Variants in ANO10 observed in about 807,000 individuals in gnomAD.
ANO10 encodes anoctamin-10.
A neutral mutation model predicts 74.7 loss-of-function variants in ANO10; 77 were observed. The observed-to-expected ratio is 1.03, with a 90% confidence interval of 0.86 to 1.25. The LOEUF (loss-of-function observed/expected upper bound fraction) is 1.25, where lower values mean the gene tolerates loss of function less well. Ranked by LOEUF, ANO10 falls within the 50% of genes most tolerant of loss-of-function variation. ANO10 has a pLI of 0.00. For synonymous variants in ANO10, 279 were observed against 284.9 expected, an observed-to-expected ratio of 0.98 and a Z score of 0.21; for missense variants, 721 against 778.1, an observed-to-expected ratio of 0.93 and a Z score of 0.87.
At chr3:43,458,950 T>C (rs1183884339) in intron 11 of ANO10, among the ~76,000 whole-genome samples, 2 of 152,194 alleles carry the variant, frequency 1.3e-5, no homozygotes, top group Non-Finnish European at 2.9e-5. Flanking sequence ...AGGATGATGA[T>C]TAAACCTATT....
intron 12 of ANO10, among the ~76,000 whole-genome samples, chr3:43,387,687 CAG>C (rs1316175722): frequency 6.6e-6 from 1 of 152,186 alleles, no homozygotes; most frequent in African/African-American, 2.4e-5. Context: ...TCAGGATCAA[CAG>C]AGGTGTCAAC....
At chr3:43,667,607 C>G (rs1217229877) in intron 1 of ANO10, among the ~76,000 whole-genome samples, 2 of 152,044 alleles carry the variant, frequency 1.3e-5, no homozygotes, top group African/African-American at 4.8e-5. Flanking sequence ...TTCCCTGCAC[C>G]CTAAGTTCCC....
intron 1 of ANO10, among the ~76,000 whole-genome samples, chr3:43,681,181 C>T (rs1220523640): frequency 1.3e-5 from 2 of 151,896 alleles, no homozygotes; most frequent in Non-Finnish European, 2.9e-5. Flanking sequence ...ATTCGGGAAA[C>T]CCATCTCACA....
At chr3:43,460,481 T>G (rs140484515) in intron 11 of ANO10, among the ~76,000 whole-genome samples, 73 of 152,322 alleles carry the variant, frequency 4.8e-4, no homozygotes, top group African/African-American at 1.5e-3. Context: ...TCAAAACACC[T>G]TCCACATTCT....
chr3:43,446,879 G>A (rs1257464196), intron 11 of ANO10, among the ~76,000 whole-genome samples: 2 of 152,188 alleles, frequency 1.3e-5, no homozygotes, highest in East Asian at 3.9e-4. Flanking sequence ...ACAGTCACAT[G>A]GTTAGGAAAA....
At chr3:43,408,875 C>T (rs2092621023) in intron 12 of ANO10, among the ~76,000 whole-genome samples, 1 of 151,786 alleles carries the variant, frequency 6.6e-6, no homozygotes, top group Non-Finnish European at 1.5e-5. Flanking sequence ...ACTAAAAATA[C>T]ACAAGATTAG....
At chr3:43,497,275 T>C (rs1265390769) in intron 11 of ANO10, among the ~76,000 whole-genome samples, 2 of 152,150 alleles carry the variant, frequency 1.3e-5, no homozygotes, top group Non-Finnish European at 2.9e-5. Context: ...CTCTATAATC[T>C]TTATCTGGTT....
chr3:43,589,348 C>T (rs761949913), intron 4 of ANO10, among the ~76,000 whole-genome samples: 3 of 152,092 alleles, frequency 2.0e-5, no homozygotes, highest in Non-Finnish European at 4.4e-5. Flanking sequence ...TAGTCAAATG[C>T]CAACATCATG....
chr3:43,392,317 T>C (rs1249352421), intron 12 of ANO10, among the ~76,000 whole-genome samples: 3 of 152,228 alleles, frequency 2.0e-5, no homozygotes, highest in Non-Finnish European at 2.9e-5. Context: ...TCTTTCAGTG[T>C]GTGTGGTTTA....
intron 11 of ANO10, among the ~76,000 whole-genome samples, chr3:43,454,034 T>C (rs887709365): frequency 1.3e-5 from 2 of 152,194 alleles, no homozygotes; most frequent in East Asian, 3.8e-4. Flanking sequence ...AGAGGAAGTT[T>C]TGGTAGTAGG....
rs752679400 is a variant in ANO10 at position 43,576,751 on chromosome 3, A to G, written c.1103T>C (p.Ile368Thr). The G allele has an allele frequency of 5.6e-6, 9 of 1,614,078 alleles. No homozygotes were observed. In the Admixed American group the frequency reaches 8.3e-5, roughly 15 times the overall value. Reference sequence around the variant, plus strand: ...GAGACGATTCATGATCTCAATCACAATGGCATAGATGATGCTGGGCACATA... The same window carrying G: ...GAGACGATTCATGATCTCAATCACAGTGGCATAGATGATGCTGGGCACATA... ...LLYVPSIIYA[I>T]VIEIMNRLYR... Residue 368 changes from isoleucine (I) to threonine (T), a missense_variant, in exon 6 of 13, where the codon ATT becomes ACT. Ile to Thr is a moderately conservative substitution (Grantham distance 89, BLOSUM62 -1). Coordinates refer to ENST00000292246, the MANE Select transcript of ANO10 (RefSeq NM_018075.5).
chr3:43,380,429 G>A (rs543943817), intron 12 of ANO10, among the ~76,000 whole-genome samples: 3 of 152,224 alleles, frequency 2.0e-5, no homozygotes, highest in Admixed American at 6.5e-5. Flanking sequence ...AGAGCTGGGA[G>A]GCAAATACAT....
intron 1 of ANO10, among the ~76,000 whole-genome samples, chr3:43,674,357 C>T (rs555470308): frequency 6.6e-6 from 1 of 152,188 alleles, no homozygotes; most frequent in South Asian, 2.1e-4. Context: ...ACTATGTTGT[C>T]CAGGCTGGTC....
chr3:43,520,383 T>A (rs956183405), intron 11 of ANO10, among the ~76,000 whole-genome samples: 2 of 152,166 alleles, frequency 1.3e-5, no homozygotes, highest in Admixed American at 6.6e-5. Flanking sequence ...TGGTGTCTGA[T>A]AATTAACACA....
chr3:43,619,996 G>A (rs539713667), intron 1 of ANO10, among the ~76,000 whole-genome samples: 1 of 152,078 alleles, frequency 6.6e-6, no homozygotes, highest in African/African-American at 2.4e-5. Context: ...TTTATTGTGA[G>A]CTTTTAACCA....
At chr3:43,571,096 A>T (rs1389806756) in intron 7 of ANO10, among the ~76,000 whole-genome samples, 6 of 151,658 alleles carry the variant, frequency 4.0e-5, no homozygotes, top group Admixed American at 1.3e-4. Context: ...GCTCATCATC[A>T]CTGGCCATCA....
chr3:43,660,003 G>A (rs1208499469), intron 1 of ANO10, among the ~76,000 whole-genome samples: 1 of 151,684 alleles, frequency 6.6e-6, no homozygotes, highest in Non-Finnish European at 1.5e-5. Flanking sequence ...CGGCTGAGGG[G>A]CCTGTCTGTT....
intron 11 of ANO10, among the ~76,000 whole-genome samples, chr3:43,448,734 T>C (rs1482762974): frequency 2.0e-5 from 3 of 152,220 alleles, no homozygotes; most frequent in African/African-American, 4.8e-5. Flanking sequence ...CTAAATCATA[T>C]GGTAAAAGTA....
At chr3:43,566,578 T>C (rs1376809452) in intron 7 of ANO10, among the ~76,000 whole-genome samples, 3 of 152,184 alleles carry the variant, frequency 2.0e-5, no homozygotes, top group Non-Finnish European at 4.4e-5. Context: ...AGGGGTACAC[T>C]GACACCTCAC....
Sources: gnomAD v4.1 joint callset for allele counts (sites outside exome capture counted in the v4.1 genomes callset) on GRCh38, gnomAD v4.1.1 for gene constraint, MANE v1.5 for transcripts, NCBI Gene and HGNC (gene_info 2026-07-23, HGNC 2026-07-21) for gene names.